ADAMTSL1: variants seen among roughly 807,000 people sequenced by gnomAD.
The protein encoded by ADAMTSL1 is ADAMTS-like protein 1.
A neutral mutation model predicts 201.8 loss-of-function variants in ADAMTSL1; 126 were observed. The ratio of observed to expected loss-of-function variants is 0.62; its 90% CI spans 0.54 to 0.72. The LOEUF is 0.72. Among genes scored for constraint, ADAMTSL1 ranks in the 30% least tolerant of loss-of-function variants. The probability of loss-of-function intolerance (pLI) is 0.00; values close to 1 mark genes in which losing one functional copy is unlikely to be tolerated. For missense variants in ADAMTSL1, 2,679 were observed against 2,277.8 expected (o/e 1.18, Z -3.59); for synonymous variants, 1,121 against 903.4 (o/e 1.24, Z -4.32).
chr9:18,514,459 A>G lies in ADAMTSL1; in HGVS notation c.191+9503A>G, dbSNP rs368121774. On this transcript the variant is annotated intron_variant, in intron 2 of 28. Transcript: ENST00000380548. ...ATTCTCCTGCCTCAGCCTCCCGAGT[A>G]GCTGGGACTACAGGCACCCGCCACC... Among the ~76,000 whole-genome samples, 1,442 of 150,274 alleles carry G rather than the reference A, an allele frequency of 9.6e-3. 16 individuals carry two copies. The highest frequency in any genetic ancestry group is 0.046 in the South Asian group (220 of 4,760).
chr9:18,645,665 T>G (rs1320429014), intron 7 of ADAMTSL1, among the ~76,000 whole-genome samples: 1 of 151,002 alleles, frequency 6.6e-6, no homozygotes, highest in Non-Finnish European at 1.5e-5. Context: ...CCATTGCTTG[T>G]TTTTCTCAGG....
At chr9:18,024,323 G>A (rs1016750216) in intron 1 of ADAMTSL1, among the ~76,000 whole-genome samples, 1 of 151,824 alleles carries the variant, frequency 6.6e-6, no homozygotes, top group African/African-American at 2.4e-5. Flanking sequence ...ATGGTATATT[G>A]TGTGATGGTG....
At chr9:18,878,584 A>G (rs1184132292) in intron 23 of ADAMTSL1, among the ~76,000 whole-genome samples, 1 of 152,196 alleles carries the variant, frequency 6.6e-6, no homozygotes, top group Non-Finnish European at 1.5e-5. Context: ...GAGGATGTGC[A>G]TTTGGGAGCA....
chr9:18,681,161 G>A (rs537583590), intron 11 of ADAMTSL1: 7 of 152,782 alleles, frequency 4.6e-5, no homozygotes, highest in African/African-American at 1.7e-4. Context: ...CCTCAGAAAT[G>A]ACAAAAGACT....
chr9:18,120,519 C>G (rs568185320), intron 1 of ADAMTSL1, among the ~76,000 whole-genome samples: 5 of 152,208 alleles, frequency 3.3e-5, no homozygotes, highest in South Asian at 4.2e-4. Flanking sequence ...TTTGTATCCC[C>G]TTTTTATGAA....
At chr9:18,424,562 A>G (rs368497286) in intron 2 of ADAMTSL1, among the ~76,000 whole-genome samples, 5 of 152,322 alleles carry the variant, frequency 3.3e-5, no homozygotes, top group African/African-American at 1.2e-4. Context: ...GATAACATAA[A>G]CCCCAAAGTT....
intron 3 of ADAMTSL1, among the ~76,000 whole-genome samples, chr9:18,573,607 A>G (rs749071087): frequency 1.4e-4 from 22 of 152,200 alleles, no homozygotes; most frequent in Non-Finnish European, 2.6e-4. Flanking sequence ...CAAATAAACA[A>G]TTGTCATAGC....
At chr9:18,844,032 A>G (rs546871064) in intron 23 of ADAMTSL1, among the ~76,000 whole-genome samples, 2 of 152,166 alleles carry the variant, frequency 1.3e-5, no homozygotes, top group African/African-American at 4.8e-5. Context: ...TCTTCTCTCA[A>G]CTTGTCAAAG....
chr9:18,139,968 C>T (rs904017327), intron 1 of ADAMTSL1, among the ~76,000 whole-genome samples: 4 of 152,018 alleles, frequency 2.6e-5, no homozygotes, highest in Middle Eastern at 3.2e-3. Flanking sequence ...CTAATGATCT[C>T]GTATTCAAAT....
At chr9:18,826,164 A>C in intron 21 of ADAMTSL1, 120 bp from the exon 22 acceptor site, 1 of 1,179,462 alleles carries the variant, frequency 8.5e-7, no homozygotes, top group East Asian at 2.6e-5. Context: ...GCCTGGTAGA[A>C]GATGTCCCTG....
intron 23 of ADAMTSL1, among the ~76,000 whole-genome samples, chr9:18,880,496 G>A (rs112806670): frequency 0.026 from 3,885 of 152,320 alleles, 116 homozygotes; most frequent in South Asian, 0.13. Flanking sequence ...GTCTTGGGTA[G>A]ACAGGTGCAT....
intron 2 of ADAMTSL1, among the ~76,000 whole-genome samples, chr9:18,271,230 G>A (rs565191197): frequency 3.9e-5 from 6 of 152,058 alleles, no homozygotes; most frequent in South Asian, 2.1e-4. Flanking sequence ...TGTGCACAAC[G>A]TGAAGGTTTG....
chr9:18,303,528 C>T (rs376865477), intron 2 of ADAMTSL1, among the ~76,000 whole-genome samples: 2 of 152,116 alleles, frequency 1.3e-5, no homozygotes, highest in African/African-American at 4.8e-5. Context: ...TCTTCAGCTA[C>T]CATAAAGGTC....
chr9:18,653,534 T>C (rs2132941041), intron 7 of ADAMTSL1, among the ~76,000 whole-genome samples: 1 of 151,926 alleles, frequency 6.6e-6, no homozygotes, highest in African/African-American at 2.4e-5. Flanking sequence ...CTGGCACTTT[T>C]GGGAGCTGAG....
intron 2 of ADAMTSL1, among the ~76,000 whole-genome samples, chr9:18,346,733 G>A (rs764798039): frequency 1.4e-4 from 22 of 152,234 alleles, no homozygotes; most frequent in South Asian, 4.1e-4. Flanking sequence ...ATCTTTAGAC[G>A]TTTTTGAAGT....
intron 9 of ADAMTSL1, among the ~76,000 whole-genome samples, chr9:18,668,667 G>A (rs1829619405): frequency 1.3e-5 from 2 of 152,152 alleles, no homozygotes; most frequent in South Asian, 4.1e-4. Flanking sequence ...GAGAGTAACT[G>A]TGAGAATTAA....
intron 13 of ADAMTSL1, among the ~76,000 whole-genome samples, chr9:18,702,785 C>G (rs560302632): frequency 6.6e-6 from 1 of 151,206 alleles, no homozygotes; most frequent in African/African-American, 2.4e-5. Context: ...TTTTTCAAGC[C>G]GGAGTCTCAC....
At chr9:18,699,461 A>G (rs1460752945) in intron 13 of ADAMTSL1, among the ~76,000 whole-genome samples, 2 of 151,362 alleles carry the variant, frequency 1.3e-5, no homozygotes, top group Admixed American at 6.6e-5. Flanking sequence ...GGTCACTGGG[A>G]CTACAGGTGT....
At chr9:18,774,636 T>C (rs915158862) in intron 17 of ADAMTSL1, among the ~76,000 whole-genome samples, 1 of 152,200 alleles carries the variant, frequency 6.6e-6, no homozygotes, top group South Asian at 2.1e-4. Flanking sequence ...AACAGCTTTA[T>C]TGAGGTATAA....
Sources: gnomAD v4.1 joint callset for allele counts (sites outside exome capture counted in the v4.1 genomes callset) on GRCh38, gnomAD v4.1.1 for gene constraint, MANE v1.5 for transcripts, NCBI Gene and HGNC (gene_info 2026-07-23, HGNC 2026-07-21) for gene names.